PIAS1: variants seen among roughly 807,000 people sequenced by gnomAD.
The protein encoded by PIAS1 is protein inhibitor of activated STAT 1.
Under a neutral mutation model 71.3 loss-of-function variants are expected in PIAS1, and 6 were observed. The observed-to-expected ratio is 0.08, with a 90% CI of 0.05 to 0.17. The LOEUF is 0.17. Among genes scored for constraint, PIAS1 ranks in the 10% least tolerant of loss-of-function variants. The pLI is 1.00. For missense variants in PIAS1, 555 were observed against 793.6 expected (o/e 0.70, Z 3.61); for synonymous variants, 303 against 292.9 (o/e 1.03, Z -0.35).
chr15:68,072,195 G>A (rs1411253238), intron 1 of PIAS1, among the ~76,000 whole-genome samples: 2 of 151,432 alleles, frequency 1.3e-5, no homozygotes, highest in Admixed American at 1.3e-4. Flanking sequence ...TCAGGAGATC[G>A]AGACCATCCT....
At chr15:68,153,135 T>A (rs1032829068) in intron 6 of PIAS1, among the ~76,000 whole-genome samples, 4 of 151,786 alleles carry the variant, frequency 2.6e-5, no homozygotes, top group African/African-American at 9.7e-5. Context: ...ATTTGTCATT[T>A]AAAAAAAATA....
At chr15:68,170,743 C>T (rs377580642) in intron 8 of PIAS1, among the ~76,000 whole-genome samples, 3 of 152,092 alleles carry the variant, frequency 2.0e-5, no homozygotes, top group African/African-American at 7.2e-5. Context: ...CAGGCTCAAG[C>T]GATTCTCCTG....
At chr15:68,065,736 CTTTTTT>C (rs35947814) in intron 1 of PIAS1, among the ~76,000 whole-genome samples, 7 of 99,572 alleles carry the variant, frequency 7.0e-5, no homozygotes, top group Admixed American at 2.4e-4. Flanking sequence ...GCTTGAAGTA[CTTTTTT>C]TTTTTTTTTT....
intron 2 of PIAS1, among the ~76,000 whole-genome samples, chr15:68,123,998 G>A (rs553148149): frequency 8.5e-5 from 10 of 117,888 alleles, no homozygotes; most frequent in East Asian, 7.0e-4. Flanking sequence ...ACACACACAC[G>A]TATACATATA....
chr15:68,177,601 GT>G (rs1366452802), intron 11 of PIAS1, among the ~76,000 whole-genome samples: 1 of 152,098 alleles, frequency 6.6e-6, no homozygotes, highest in Non-Finnish European at 1.5e-5. Flanking sequence ...ATGAAACATT[GT>G]TATCTACTTT....
At chr15:68,142,057 A>G (rs781008460) in intron 3 of PIAS1, 27 bp downstream of exon 3, 2 of 1,458,230 alleles carry the variant, frequency 1.4e-6, no homozygotes, top group Non-Finnish European at 9.5e-7. Context: ...TGTAACTTGA[A>G]GTTTGACCTT....
chr15:68,179,869 C>T (rs966296804), intron 11 of PIAS1, among the ~76,000 whole-genome samples: 100 of 151,970 alleles, frequency 6.6e-4, no homozygotes, highest in African/African-American at 2.2e-3. Context: ...TGAGCCACCA[C>T]GCCCGGCCCT....
chr15:68,056,008 C>T (rs921854943), intron 1 of PIAS1: 32 of 672,346 alleles, frequency 4.8e-5, no homozygotes, highest in Non-Finnish European at 7.3e-5. Context: ...TTGATTTTTC[C>T]CCAGTTTCAA....
At chr15:68,137,762 GT>G (rs1308494074) in intron 2 of PIAS1, among the ~76,000 whole-genome samples, 2 of 152,216 alleles carry the variant, frequency 1.3e-5, no homozygotes, top group Non-Finnish European at 2.9e-5. Flanking sequence ...CTACTAGAAA[GT>G]AGTTAATGAA....
intron 4 of PIAS1, among the ~76,000 whole-genome samples, chr15:68,144,402 C>T (rs540234509): frequency 6.6e-6 from 1 of 152,124 alleles, no homozygotes; most frequent in African/African-American, 2.4e-5. Context: ...ACTCCCTCCT[C>T]TCTGCCCCAT....
chr15:68,089,562 T>A (rs2092315846), intron 2 of PIAS1, among the ~76,000 whole-genome samples: 2 of 152,222 alleles, frequency 1.3e-5, no homozygotes, highest in Non-Finnish European at 2.9e-5. Context: ...ATTTTTTATT[T>A]TTATTTTTTT....
rs199638868 is a variant in PIAS1, at chr15:68,128,633, G to GT, written c.470-13307dup. 6.1e-3 allele frequency among the ~76,000 whole-genome samples: 933 copies of GT among 152,136 alleles called. 4 individuals are homozygous for GT. Among genetic ancestry groups the GT allele is most frequent in the East Asian group, 0.033 (168 of 5,144 alleles). On this transcript the variant is annotated intron_variant, in intron 2 of 13. Transcript: ENST00000249636. ...AGCAGCAGATTCTAAAAATATGACT[G>GT]TTTTTTATTAGAACATCATCTGTTA...
At chr15:68,119,306 G>A (rs921845190) in intron 2 of PIAS1, among the ~76,000 whole-genome samples, 4 of 138,662 alleles carry the variant, frequency 2.9e-5, no homozygotes, top group Admixed American at 7.8e-5. Context: ...TACTCCAGAC[G>A]TGGTGGCGCA....
At chr15:68,159,571 G>A (rs930678743) in intron 7 of PIAS1, among the ~76,000 whole-genome samples, 2 of 152,110 alleles carry the variant, frequency 1.3e-5, no homozygotes, top group African/African-American at 4.8e-5. Context: ...CCTACAATAT[G>A]TAGCCTTTTG....
intron 1 of PIAS1, among the ~76,000 whole-genome samples, chr15:68,062,244 C>G (rs1362719148): frequency 6.6e-6 from 1 of 152,090 alleles, no homozygotes; most frequent in Admixed American, 6.5e-5. Context: ...TTGTAATGAT[C>G]TAACAGTAAA....
intron 2 of PIAS1, among the ~76,000 whole-genome samples, chr15:68,102,087 G>A (rs2092431973): frequency 2.0e-5 from 3 of 151,866 alleles, no homozygotes; most frequent in East Asian, 1.9e-4. Flanking sequence ...TTTTTTCCTC[G>A]AAAGTTTTTA....
chr15:68,181,531 TG>T (rs2093053363), intron 12 of PIAS1, 177 bp downstream of exon 12: 1 of 569,654 alleles, frequency 1.8e-6, no homozygotes, highest in Non-Finnish European at 3.1e-6. Context: ...GTTCGTTGAT[TG>T]TACTGTCATC....
intron 2 of PIAS1, among the ~76,000 whole-genome samples, chr15:68,093,252 TAC>T (rs1230575752): frequency 6.6e-6 from 1 of 152,248 alleles, no homozygotes; most frequent in Non-Finnish European, 1.5e-5. Context: ...TTTTTAGACT[TAC>T]ATTTTAGCAG....
At chr15:68,090,025 A>G (rs942597844) in intron 2 of PIAS1, among the ~76,000 whole-genome samples, 9 of 151,658 alleles carry the variant, frequency 5.9e-5, no homozygotes, top group African/African-American at 2.2e-4. Context: ...GACTACAGAC[A>G]CGTGCCACCA....
Sources: gnomAD v4.1 joint callset for allele counts (sites outside exome capture counted in the v4.1 genomes callset) on GRCh38, gnomAD v4.1.1 for gene constraint, MANE v1.5 for transcripts, NCBI Gene and HGNC (gene_info 2026-07-23, HGNC 2026-07-21) for gene names.